Variants in IL1RAPL2 observed in about 807,000 individuals in gnomAD.
The protein encoded by IL1RAPL2 is X-linked interleukin-1 receptor accessory protein-like 2.
A neutral mutation model predicts 44.1 loss-of-function variants in IL1RAPL2; 3 were observed. The observed-to-expected ratio is 0.07, with a 90% CI of 0.03 to 0.18. The LOEUF (loss-of-function observed/expected upper bound fraction) is 0.18. Among genes scored for constraint, IL1RAPL2 ranks in the 10% least tolerant of loss-of-function variants. The probability of loss-of-function intolerance (pLI) is 1.00; values close to 1 mark genes in which losing one functional copy is unlikely to be tolerated. For missense variants in IL1RAPL2, 391 were observed against 496.4 expected (o/e 0.79, Z 2.02); for synonymous variants, 181 against 178.8 (o/e 1.01, Z -0.10).
At chrX:105,530,531 T>C (rs2036626043) in intron 6 of IL1RAPL2, among the ~76,000 whole-genome samples, 1 of 111,493 alleles carries the variant, frequency 9.0e-6, no homozygotes, top group Non-Finnish European at 1.9e-5. Context: ...TATGTAATAA[T>C]CACATCATGG....
At chrX:105,044,585 T>C (rs757440257) in intron 2 of IL1RAPL2, among the ~76,000 whole-genome samples, 6 of 111,414 alleles carry the variant, frequency 5.4e-5, no homozygotes, top group Non-Finnish European at 7.5e-5. Context: ...ATTTCCACCA[T>C]AGAACCCCAG....
chrX:104,882,620 A>G (rs774742452), intron 2 of IL1RAPL2, among the ~76,000 whole-genome samples: 15 of 111,571 alleles, frequency 1.3e-4, no homozygotes, highest in African/African-American at 4.2e-4. Flanking sequence ...GCACTCTGTA[A>G]AAGTGGACCA....
At chrX:105,290,193 T>C (rs367960097) in intron 5 of IL1RAPL2, among the ~76,000 whole-genome samples, 3 of 111,682 alleles carry the variant, frequency 2.7e-5, no homozygotes, top group East Asian at 5.6e-4. Flanking sequence ...ACTAACAGCC[T>C]GTTGTGTGCC....
intron 2 of IL1RAPL2, among the ~76,000 whole-genome samples, chrX:104,905,169 A>T (rs1397978918): frequency 9.0e-6 from 1 of 111,321 alleles, no homozygotes. Flanking sequence ...TTTCTTGTAA[A>T]TTTGTTGGAG....
intron 6 of IL1RAPL2, among the ~76,000 whole-genome samples, chrX:105,696,088 T>G (rs1351636005): frequency 4.5e-5 from 5 of 112,330 alleles, no homozygotes; most frequent in Non-Finnish European, 9.4e-5. Flanking sequence ...CTGCTAATAT[T>G]CAGTATGTAC....
chrX:104,824,066 A>G (rs373702565), intron 2 of IL1RAPL2, among the ~76,000 whole-genome samples: 3 of 111,994 alleles, frequency 2.7e-5, no homozygotes, highest in East Asian at 5.6e-4. Flanking sequence ...TGTTCCATCA[A>G]TACCTAGTTT....
chrX:105,765,715 G>A (rs953310450), intron 10 of IL1RAPL2, among the ~76,000 whole-genome samples: 2 of 112,770 alleles, frequency 1.8e-5, no homozygotes, highest in African/African-American at 6.4e-5. Flanking sequence ...GCCAAGTAGT[G>A]AAAATAAAAC....
At chrX:105,644,311 T>C (rs1159361682) in intron 6 of IL1RAPL2, among the ~76,000 whole-genome samples, 4 of 111,576 alleles carry the variant, frequency 3.6e-5, no homozygotes, top group African/African-American at 1.3e-4. Context: ...GTCATGAGGA[T>C]GGCAGCTCAG....
intron 2 of IL1RAPL2, among the ~76,000 whole-genome samples, chrX:104,739,077 C>T (rs1267473954): frequency 2.7e-5 from 3 of 111,388 alleles, no homozygotes; most frequent in East Asian, 5.7e-4. Context: ...GGGAGGAGAA[C>T]CAGTGAGTAG....
intron 7 of IL1RAPL2, among the ~76,000 whole-genome samples, chrX:105,729,608 C>T (rs780132078): frequency 7.3e-5 from 8 of 110,199 alleles, no homozygotes; most frequent in Non-Finnish European, 1.3e-4. Context: ...GTTTCTTAAT[C>T]TGTATATGTT....
At chrX:105,024,505 TAGA>T (rs913106909) in intron 2 of IL1RAPL2, among the ~76,000 whole-genome samples, 1 of 111,525 alleles carries the variant, frequency 9.0e-6, no homozygotes, top group Non-Finnish European at 1.9e-5. Flanking sequence ...CAAGAGAGCA[TAGA>T]AGTTCTGTTC....
chrX:104,749,241 G>C (rs1181398915), intron 2 of IL1RAPL2, among the ~76,000 whole-genome samples: 1 of 110,961 alleles, frequency 9.0e-6, no homozygotes, highest in Non-Finnish European at 1.9e-5. Flanking sequence ...GTCACCAGCA[G>C]AGATATAAGT....
intron 2 of IL1RAPL2, among the ~76,000 whole-genome samples, chrX:104,739,427 G>A (rs1298464063): frequency 8.9e-6 from 1 of 112,130 alleles, no homozygotes; most frequent in East Asian, 2.8e-4. Flanking sequence ...GGTACCTGGG[G>A]CCACCCCCAT....
intron 6 of IL1RAPL2, among the ~76,000 whole-genome samples, chrX:105,579,778 CA>C (rs764832227): frequency 5.1e-4 from 57 of 111,453 alleles, no homozygotes; most frequent in Non-Finnish European, 8.9e-4. Context: ...TATATAATAC[CA>C]CCTATTATCC....
At chrX:105,193,347 T>A (rs1203175694) in intron 2 of IL1RAPL2, among the ~76,000 whole-genome samples, 4 of 111,765 alleles carry the variant, frequency 3.6e-5, no homozygotes, top group African/African-American at 1.3e-4. Flanking sequence ...TTTAAAAAAA[T>A]ATTCCCGTGG....
chrX:105,750,976 A>G (rs2147585754), intron 9 of IL1RAPL2, among the ~76,000 whole-genome samples: 1 of 111,501 alleles, frequency 9.0e-6, no homozygotes, highest in East Asian at 2.8e-4. Flanking sequence ...ATCTATGTAA[A>G]AGAACATAAA....
chrX:104,843,289 C>T (rs982473287), intron 2 of IL1RAPL2, among the ~76,000 whole-genome samples: 8 of 111,926 alleles, frequency 7.1e-5, no homozygotes, highest in African/African-American at 2.6e-4. Context: ...CGACTCCAGA[C>T]TTCTGCACTG....
chrX:105,129,872 A>G (rs892012478), intron 2 of IL1RAPL2, among the ~76,000 whole-genome samples: 1 of 110,395 alleles, frequency 9.1e-6, no homozygotes, highest in African/African-American at 3.3e-5. Context: ...TTAAAGTGCA[A>G]GTTGATTAAT....
At chrX:105,060,950 T>TGATTAAA (rs771284490) in intron 2 of IL1RAPL2, among the ~76,000 whole-genome samples, 23 of 111,347 alleles carry the variant, frequency 2.1e-4, no homozygotes, top group Non-Finnish European at 4.0e-4. Flanking sequence ...TTTCTTAGTC[T>TGATTAAA]GATTAAAGGT....
Sources: gnomAD v4.1 joint callset for allele counts (sites outside exome capture counted in the v4.1 genomes callset) on GRCh38, gnomAD v4.1.1 for gene constraint, MANE v1.5 for transcripts, NCBI Gene and HGNC (gene_info 2026-07-23, HGNC 2026-07-21) for gene names.